Variants in HDAC9 observed in about 807,000 individuals in gnomAD.
HDAC9 encodes the protein histone deacetylase 9.
HDAC9 carries 41 observed loss-of-function variants against 139.4 expected under a neutral mutation model. The observed-to-expected ratio is 0.29, with a 90% CI of 0.23 to 0.38. The LOEUF (loss-of-function observed/expected upper bound fraction) is 0.38, where lower values mean the gene tolerates loss of function less well. Ranked by LOEUF, HDAC9 falls within the 10% of genes least tolerant of loss-of-function variation. The pLI is 1.00. For missense variants in HDAC9, 1,147 were observed against 1,297.0 expected, an observed-to-expected ratio of 0.88 and a Z score of 1.78; for synonymous variants, 517 against 476.2, an observed-to-expected ratio of 1.09 and a Z score of -1.12.
intron 2 of HDAC9, among the ~76,000 whole-genome samples, chr7:18,266,849 C>G (rs893006024): frequency 6.6e-6 from 1 of 152,052 alleles, no homozygotes; most frequent in African/African-American, 2.4e-5. Context: ...TGCCCAAGAG[C>G]CCATGTGCCA....
At chr7:18,260,064 T>C (rs917415073) in intron 2 of HDAC9, among the ~76,000 whole-genome samples, 1 of 152,174 alleles carries the variant, frequency 6.6e-6, no homozygotes, top group African/African-American at 2.4e-5. Context: ...GTTAGGTGTG[T>C]GTACTCAGAA....
At chr7:18,184,481 A>G (rs753852619) in intron 2 of HDAC9, among the ~76,000 whole-genome samples, 12 of 152,226 alleles carry the variant, frequency 7.9e-5, no homozygotes, top group Non-Finnish European at 1.3e-4. Flanking sequence ...TGTTTCATAC[A>G]TACCATATGC....
chr7:18,655,566 G>A (rs1013505997), intron 11 of HDAC9, among the ~76,000 whole-genome samples: 1 of 152,114 alleles, frequency 6.6e-6, no homozygotes, highest in African/African-American at 2.4e-5. Flanking sequence ...ATTACAAGTT[G>A]ATGGTTTCTA....
At chr7:18,322,450 T>A (rs1239390210) in intron 1 of HDAC9, among the ~76,000 whole-genome samples, 1 of 152,202 alleles carries the variant, frequency 6.6e-6, no homozygotes. Context: ...GTTAGATACA[T>A]CTTTGATTTG....
intron 1 of HDAC9, among the ~76,000 whole-genome samples, chr7:18,431,795 C>T (rs1356448691): frequency 6.6e-6 from 1 of 152,212 alleles, no homozygotes; most frequent in Admixed American, 6.5e-5. Context: ...TCAATTCCTT[C>T]AGACTCAAAC....
At chr7:18,233,408 C>T (rs896187044) in intron 2 of HDAC9, among the ~76,000 whole-genome samples, 2 of 151,832 alleles carry the variant, frequency 1.3e-5, no homozygotes, top group African/African-American at 4.8e-5. Flanking sequence ...TGATGAGACC[C>T]CAAGAGGAAT....
chr7:18,990,348 G>GT (rs199775498), intron 25 of HDAC9, among the ~76,000 whole-genome samples: 6,229 of 152,284 alleles, frequency 0.041, 414 homozygotes, highest in African/African-American at 0.14. Context: ...GTGCCTCCCA[G>GT]TTAGGCTGCT....
chr7:18,185,074 A>G (rs565876306), intron 2 of HDAC9, among the ~76,000 whole-genome samples: 1 of 152,346 alleles, frequency 6.6e-6, no homozygotes, highest in African/African-American at 2.4e-5. Context: ...GAATCATGGG[A>G]AATGAAACTA....
In HDAC9 at chr7:18,410,094, ATT is replaced by A. The variant is rs1274062428; in HGVS notation, c.-41-86167_-41-86166del. 3.3e-5 allele frequency among the ~76,000 whole-genome samples: 5 copies of A among 152,162 alleles called. No homozygotes were observed. The South Asian group carries it at 6.2e-4, about 19-fold the overall frequency. On this transcript the variant is annotated intron_variant, in intron 1 of 3. Transcript: ENST00000413509. The stretch of plus-strand genomic sequence containing the variant: ...TAATATAGCACTTTTGGAACACTAG[ATT>A]GTGATTTAGTTTCTTCACTCTCTTG...
In HDAC9 at chr7:18,202,951, G is replaced by A. The variant is rs149626960; in HGVS notation, c.25+40602G>A. On this transcript the variant is annotated intron_variant, in intron 2 of 12. Coordinates refer to the HDAC9 transcript ENST00000417496. ...GCATACTAATTAAGATATCTACCTC[G>A]AAAGTTCTTGTGAGGATTAAATGGA... Among the ~76,000 whole-genome samples, 15 of 152,232 alleles carry A rather than the reference G, an allele frequency of 9.9e-5. No homozygotes were observed. The East Asian group carries it at 2.3e-3, about 24-fold the overall frequency.
chr7:18,857,396 T>C (rs1302796377), intron 21 of HDAC9, among the ~76,000 whole-genome samples: 1 of 150,916 alleles, frequency 6.6e-6, no homozygotes, highest in Non-Finnish European at 1.5e-5. Flanking sequence ...TGGAGTGAAA[T>C]GTACTTTTTT....
chr7:18,190,861 G>A (rs1252284072), intron 2 of HDAC9, among the ~76,000 whole-genome samples: 1 of 151,982 alleles, frequency 6.6e-6, no homozygotes, highest in Non-Finnish European at 1.5e-5. Flanking sequence ...TATTATGCAT[G>A]TTTTACCTTT....
intron 1 of HDAC9, among the ~76,000 whole-genome samples, chr7:18,436,833 T>C (rs1263210811): frequency 6.6e-6 from 1 of 152,168 alleles, no homozygotes; most frequent in African/African-American, 2.4e-5. Flanking sequence ...AAGGAATAGA[T>C]TTGATGTGAT....
intron 1 of HDAC9, among the ~76,000 whole-genome samples, chr7:18,363,379 TACTC>T (rs1783930356): frequency 6.6e-6 from 1 of 152,152 alleles, no homozygotes; most frequent in Non-Finnish European, 1.5e-5. Flanking sequence ...AGAAGAAACA[TACTC>T]ATCCTAGAGA....
intron 24 of HDAC9, among the ~76,000 whole-genome samples, chr7:18,963,164 A>G (rs919646307): frequency 3.9e-5 from 6 of 152,234 alleles, no homozygotes; most frequent in Non-Finnish European, 5.9e-5. Flanking sequence ...GAGAGGGGAA[A>G]AAACATAAGC....
At chr7:18,699,046 T>C (rs1208515496) in intron 12 of HDAC9, among the ~76,000 whole-genome samples, 2 of 152,122 alleles carry the variant, frequency 1.3e-5, no homozygotes, top group African/African-American at 2.4e-5. Context: ...CTTCAGCACC[T>C]CAAAAGCACA....
intron 21 of HDAC9, among the ~76,000 whole-genome samples, chr7:18,839,358 T>G (rs192675870): frequency 6.6e-6 from 1 of 152,138 alleles, no homozygotes; most frequent in Non-Finnish European, 1.5e-5. Flanking sequence ...TCACACCACA[T>G]TGCTACTCTC....
At chr7:18,251,298 C>G (rs1794902469) in intron 2 of HDAC9, among the ~76,000 whole-genome samples, 1 of 151,944 alleles carries the variant, frequency 6.6e-6, no homozygotes, top group Non-Finnish European at 1.5e-5. Context: ...TAAGTGAGAG[C>G]TGAATGATGA....
At chr7:18,377,034 A>C (rs913154859) in intron 1 of HDAC9, among the ~76,000 whole-genome samples, 5 of 152,152 alleles carry the variant, frequency 3.3e-5, no homozygotes, top group Admixed American at 3.3e-4. Context: ...CTAGAGATAC[A>C]GTGTTGACAG....
Sources: allele counts gnomAD v4.1 joint callset (sites outside exome capture counted in the v4.1 genomes callset), GRCh38; gene constraint gnomAD v4.1.1; transcripts MANE v1.5; gene names NCBI Gene and HGNC (gene_info 2026-07-23, HGNC 2026-07-21).